Variants in FLNC observed in about 807,000 individuals in gnomAD.
The protein encoded by FLNC is filamin C, also known as filamin-C.
In FLNC, 91 loss-of-function variants were observed where a neutral mutation model predicts 254.3. The observed-to-expected ratio is 0.36, with a 90% CI of 0.30 to 0.43. The LOEUF is 0.43. Ranked by LOEUF, FLNC falls within the 20% of genes least tolerant of loss-of-function variation. The probability of loss-of-function intolerance (pLI) is 1.00; values close to 1 mark genes in which losing one functional copy is unlikely to be tolerated. For synonymous variants in FLNC, 1,430 were observed against 1,577.2 expected, an observed-to-expected ratio of 0.91 and a Z score of 2.21; for missense variants, 2,853 against 3,802.6, an observed-to-expected ratio of 0.75 and a Z score of 6.57.
intron 40 of FLNC, 40 bp from the exon 41 acceptor site, chr7:128,854,373 G>A (rs1252228973): frequency 1.9e-6 from 3 of 1,601,632 alleles, no homozygotes; most frequent in Non-Finnish European, 2.6e-6. Context: ...AGGGCTAGGA[G>A]GAATCCCAGT....
At position 128,857,345 on chromosome 7, in the gene FLNC, C is replaced by T; in HGVS notation, c.7780+9C>T. The T allele has an allele frequency of 1.2e-6, 2 of 1,607,742 alleles. No individual in the cohort carries two copies. Among genetic ancestry groups the T allele is most frequent in the Non-Finnish European group, 1.7e-6 (2 of 1,175,654 alleles). ...CAAGGCCAAGGTCACTGGTGAGTGCCAGTTTGGGGGAGGTCCACCCAGCCT... is the reference window on the plus strand; with the variant it reads ...CAAGGCCAAGGTCACTGGTGAGTGCTAGTTTGGGGGAGGTCCACCCAGCCT... On this transcript the variant is annotated intron_variant, in intron 46 of 47. Coordinates refer to ENST00000325888, the MANE Select transcript of FLNC (RefSeq NM_001458.5). This position sits in a 1 kb window ranked among gnomAD's most constrained non-coding sequence, Gnocchi z 4.5.
Position 128,830,994 on chromosome 7 carries a change from G to A in FLNC, c.352+5G>A. ...ACATCAAGCTCGTGTCCATAGGTCAGTGCCGGGGGCGAGGGCACGGGCGCT... is the reference window on the plus strand; with the variant it reads ...ACATCAAGCTCGTGTCCATAGGTCAATGCCGGGGGCGAGGGCACGGGCGCT... On this transcript the variant is annotated splice_donor_5th_base_variant and intron_variant, in intron 1 of 47. Transcript: ENST00000325888. 1 of 1,604,926 alleles carries A rather than the reference G, an allele frequency of 6.2e-7. No individual in the cohort carries two copies. Among genetic ancestry groups the A allele is most frequent in the Non-Finnish European group, 8.5e-7 (1 of 1,179,518 alleles).
At position 128,844,141 on chromosome 7, in the gene FLNC, G is replaced by C. The variant is rs376107866; in HGVS notation, c.3067G>C (p.Ala1023Pro). 2 of 1,613,842 alleles carry C rather than the reference G, an allele frequency of 1.2e-6. No homozygotes were observed. The highest frequency in any genetic ancestry group is 1.7e-6 in the Non-Finnish European group (2 of 1,180,050). The change falls in exon 20 of 48, where the codon GCC becomes CCC. Residue 1023 changes from alanine to proline, a missense_variant. By Grantham distance (27) the Ala-to-Pro change is conservative (BLOSUM62 -1). This residue lies in a region of FLNC where 1,573 missense variants were observed against 1,883.5 expected (regional missense o/e 0.84). Coordinates refer to ENST00000325888, the MANE Select transcript of FLNC (RefSeq NM_001458.5). ...GCTGGAGCCAGGCGGTGGAGCGGAAGCCCAGGCTGTGCGCTACATGCCCCC... is the reference window on the plus strand; with the variant it reads ...GCTGGAGCCAGGCGGTGGAGCGGAACCCCAGGCTGTGCGCTACATGCCCCC... Reference protein sequence around the residue: ...CKLEPGGGAEAQAVRYMPPEE... With the variant: ...CKLEPGGGAEPQAVRYMPPEE...
Position 128,854,874 on chromosome 7 carries a change from A to G in FLNC, c.7097A>G (p.Asp2366Gly), listed in dbSNP as rs1808988794. The G allele has an allele frequency of 6.2e-7, 1 of 1,614,098 alleles. No individual in the cohort carries two copies. Among genetic ancestry groups the G allele is most frequent in the Non-Finnish European group, 8.5e-7 (1 of 1,180,020 alleles). Residue 2366 changes from aspartate (D) to glycine (G), a missense_variant, in exon 42 of 48, where the codon GAT (aspartate) becomes GGT (glycine). Coordinates refer to ENST00000325888, the MANE Select transcript of FLNC (RefSeq NM_001458.5). ...GAGATTGCATTTGAGGATCGCAAAG[A>G]TGGCTCCTGCGGCGTCTCCTATGTC... ...KAEIAFEDRK[D>G]GSCGVSYVVQ...
intron 35 of FLNC, among the ~76,000 whole-genome samples, chr7:128,851,866 T>G (rs1808830502): frequency 6.6e-6 from 1 of 152,172 alleles, no homozygotes. Flanking sequence ...TGAAGTCATT[T>G]GTTTTGTTTT....
chr7:128,850,811 C>T lies in FLNC; in HGVS notation c.5407C>T (p.Arg1803Trp), dbSNP rs369457426. 28 of 1,613,548 alleles carry T rather than the reference C, an allele frequency of 1.7e-5. No homozygotes were observed. Among genetic ancestry groups the T allele is most frequent in the African/African-American group, 4.0e-5 (3 of 74,882 alleles). ...VQKGELTGEVRMPSGKTARPN... is the reference protein window; with the variant it reads ...VQKGELTGEVWMPSGKTARPN... ...CTGTGTCTGCCCTGCAGGAGAGGTG[C>T]GGATGCCCTCGGGGAAGACGGCACG... is the stretch of plus-strand genomic sequence containing the variant. The change falls in exon 33 of 48, where the codon CGG becomes TGG. Residue 1803 changes from arginine to tryptophan, a missense_variant. Arg to Trp is a moderately radical substitution (Grantham distance 101, BLOSUM62 -3). Coordinates refer to ENST00000325888, the MANE Select transcript of FLNC (RefSeq NM_001458.5).
chr7:128,843,802 A>T lies in FLNC; in HGVS notation c.2818A>T (p.Met940Leu). 6.2e-7 allele frequency: 1 copy of T among 1,613,994 alleles called. No individual in the cohort carries two copies. The highest frequency in any genetic ancestry group is 1.1e-5 in the South Asian group (1 of 91,086). Residue 940 changes from methionine (M) to leucine (L), a missense_variant, in exon 19 of 48, where the codon ATG (methionine) becomes TTG (leucine). By Grantham distance (15) the Met-to-Leu change is conservative. Transcript: ENST00000325888. The part of the protein sequence containing the change: ...VKYTAVQQGN[M>L]AVTVTYGGDP... ...CTACCATTGTACCCAACAGGGCAAC[A>T]TGGCAGTGACAGTGACTTATGGCGG...
chr7:128,846,759 G>A lies in FLNC; in HGVS notation c.4142G>A (p.Gly1381Glu), dbSNP rs2128937018. 2 of 1,614,056 alleles carry A rather than the reference G, an allele frequency of 1.2e-6. No individual in the cohort carries two copies. The highest frequency in any genetic ancestry group is 8.5e-7 in the Non-Finnish European group (1 of 1,179,992). The change falls in exon 24 of 48, where the codon GGG (glycine) becomes GAG (glutamate). Residue 1381 changes from glycine to glutamate, a missense_variant. By Grantham distance (98) the Gly-to-Glu change is moderately conservative (BLOSUM62 -2). Transcript: ENST00000325888. ...FTVETRGAGTGGLGLAIEGPS... is the reference protein window; with the variant it reads ...FTVETRGAGTEGLGLAIEGPS... Reference sequence around the variant, plus strand: ...TTATCTCTCAGGGGAGCGGGCACCGGGGGCCTTGGCCTAGCCATCGAGGGT... The same window carrying A: ...TTATCTCTCAGGGGAGCGGGCACCGAGGGCCTTGGCCTAGCCATCGAGGGT...
chr7:128,832,392 G>A (rs1254214794), intron 1 of FLNC, among the ~76,000 whole-genome samples: 2 of 152,232 alleles, frequency 1.3e-5, no homozygotes, highest in African/African-American at 2.4e-5. Context: ...TCAGAGAGGA[G>A]TCAGTCCTGG....
intron 8 of FLNC, 76 bp downstream of exon 8, chr7:128,838,879 G>T: frequency 7.0e-7 from 1 of 1,428,788 alleles, no homozygotes; most frequent in Non-Finnish European, 9.8e-7. Context: ...GGAAGAGCTG[G>T]GGCGGGGGTC....
rs1405197502 is a variant in FLNC, at chr7:128,846,725, G to C, written c.4128-20G>C. On this transcript the variant is annotated intron_variant, in intron 23 of 47. Coordinates refer to ENST00000325888, the MANE Select transcript of FLNC (RefSeq NM_001458.5). The stretch of plus-strand genomic sequence containing the variant: ...CACTCACTGGTCTTATGAAGCTGAT[G>C]GGGGGATGTTATCTCTCAGGGGAGC... The C allele has an allele frequency of 1.2e-6, 2 of 1,611,436 alleles. No individual in the cohort carries two copies. Among genetic ancestry groups the C allele is most frequent in the East Asian group, 4.5e-5 (2 of 44,860 alleles).
In FLNC at chr7:128,843,997, C is replaced by A. The variant is rs1324607570; in HGVS notation, c.2930-7C>A. The A allele has an allele frequency of 6.2e-7, 1 of 1,614,158 alleles. No individual in the cohort carries two copies. The highest frequency in any genetic ancestry group is 8.5e-7 in the Non-Finnish European group (1 of 1,180,042). On this transcript the variant is annotated splice_polypyrimidine_tract_variant and splice_region_variant and intron_variant, in intron 19 of 47. Transcript: ENST00000325888. ...TCTCCTCATGGTGTCACTTGCCCTC[C>A]ACGCAGAGGTGGCTGTGGGACAGGA...
Position 128,849,572 on chromosome 7 carries a change from C to T in FLNC, c.5193C>T (p.His1731=), listed in dbSNP as rs752034193. The T allele has an allele frequency of 8.1e-6, 13 of 1,613,794 alleles. No individual in the cohort carries two copies. The highest frequency in any genetic ancestry group is 2.2e-5 in the East Asian group (1 of 44,896). ...AGCACATCCCCAACAGCCCCTTCCA[C>T]GTGCTGGTAAGTTCTGTAGCCACAG... The part of the protein sequence containing the change: ...GGEHIPNSPF[H]VLACDPLPHE... The change falls in exon 30 of 48, where the codon CAC becomes CAT. Residue 1731 remains histidine, a synonymous_variant. Transcript: ENST00000325888.
rs901368405 is a variant in FLNC at position 128,847,930 on chromosome 7, G to A, written c.4457-15G>A. On this transcript the variant is annotated splice_polypyrimidine_tract_variant and intron_variant, in intron 25 of 47. Coordinates refer to ENST00000325888, the MANE Select transcript of FLNC (RefSeq NM_001458.5). ...GACGCCCGGAGGCTCTGCTGACCCT[G>A]TGCCCCTTGCCCAGGTGTGGCCGAG... 3.7e-6 allele frequency: 6 copies of A among 1,613,766 alleles called. No individual in the cohort carries two copies. The highest frequency in any genetic ancestry group is 3.4e-6 in the Non-Finnish European group (4 of 1,179,838).
intron 1 of FLNC, 119 bp downstream of exon 1, chr7:128,831,108 G>A: frequency 1.1e-6 from 1 of 909,460 alleles, no homozygotes; most frequent in Non-Finnish European, 1.6e-6. Context: ...GCACCCCCCG[G>A]TATAGAGAGA....
At position 128,847,766 on chromosome 7, in the gene FLNC, T is replaced by C. The variant is rs1363412917; in HGVS notation, c.4358T>C (p.Leu1453Pro). The change falls in exon 25 of 48, where the codon CTG becomes CCG. Residue 1453 changes from leucine (L) to proline (P), a missense_variant. Physicochemically the swap from Leu to Pro is moderately conservative, Grantham distance 98. Around this residue, in one of 10 missense-constraint regions of FLNC, gnomAD observed 1,573 missense variants for 1,883.5 expected, o/e 0.84. Transcript: ENST00000325888. ...PGKVKCSGPG[L>P]GAGVRARVPQ... ...AAGGTGAAGTGCTCAGGGCCAGGGC[T>C]GGGGGCTGGTGTCAGGGCCCGGGTT... 6.2e-7 allele frequency: 1 copy of C among 1,614,060 alleles called. No homozygotes were observed. The highest frequency in any genetic ancestry group is 1.1e-5 in the South Asian group (1 of 91,086).
At chr7:128,844,557 C>A in intron 20 of FLNC, 101 bp from the exon 21 acceptor site, 1 of 1,151,020 alleles carries the variant, frequency 8.7e-7, no homozygotes, top group South Asian at 1.2e-5. Flanking sequence ...ACTCAGTCCA[C>A]AGTAGCAGCC....
Position 128,835,710 on chromosome 7 carries a change from C to G in FLNC, c.601+136C>G. ...GGCCAGGATCCCCTGCAGGGTTTGT[C>G]CTCCTCCAGCTGTGGCTCTCCGCTG... On this transcript the variant is annotated intron_variant, in intron 2 of 47. Coordinates refer to ENST00000325888, the MANE Select transcript of FLNC (RefSeq NM_001458.5). The surrounding 1 kb of genome is among the most constrained non-coding windows in gnomAD (Gnocchi z 5.3). 1.0e-6 allele frequency: 1 copy of G among 969,210 alleles called. No homozygotes were observed. The highest frequency in any genetic ancestry group is 1.6e-6 in the Non-Finnish European group (1 of 641,650). The allele number at this position is 969,210 out of a possible 1,614,324, so 60.0% of individuals were successfully genotyped here.
Position 128,858,176 on chromosome 7 carries a change from T to A in FLNC, c.7949T>A (p.Val2650Glu), listed in dbSNP as rs921757699. 5.1e-6 allele frequency: 8 copies of A among 1,561,824 alleles called. No homozygotes were observed. The highest frequency in any genetic ancestry group is 5.3e-6 in the Non-Finnish European group (6 of 1,133,268). ...TRGPGLSQAFVGQKNSFTVDC... is the reference protein window; with the variant it reads ...TRGPGLSQAFEGQKNSFTVDC... ...GGCCCTGGGCTGTCCCAGGCCTTCGTGGGCCAGAAGAACTCCTTCACCGTG... is the reference window on the plus strand; with the variant it reads ...GGCCCTGGGCTGTCCCAGGCCTTCGAGGGCCAGAAGAACTCCTTCACCGTG... Residue 2650 changes from valine to glutamate, a missense_variant, in exon 47 of 48, where the codon GTG (valine) becomes GAG (glutamate). Physicochemically the swap from Val to Glu is moderately radical, Grantham distance 121. This residue lies in a region of FLNC where 197 missense variants were observed against 351.5 expected (regional missense o/e 0.56). Transcript: ENST00000325888. The surrounding 1 kb of genome is among the most constrained non-coding windows in gnomAD (Gnocchi z 6.7).
Sources: gnomAD v4.1 joint callset for allele counts (sites outside exome capture counted in the v4.1 genomes callset) on GRCh38, gnomAD v4.1.1 for gene constraint, gnomAD v4.1.1 regional missense constraint, Gnocchi (gnomAD v3.1) non-coding constraint, MANE v1.5 for transcripts, NCBI Gene and HGNC (gene_info 2026-07-23, HGNC 2026-07-21) for gene names.